Variants in MAGI2 observed in about 807,000 individuals in gnomAD.
The protein encoded by MAGI2 is membrane-associated guanylate kinase, WW and PDZ domain-containing protein 2.
Under a neutral mutation model 133.3 loss-of-function variants are expected in MAGI2, and 35 were observed. The ratio of observed to expected loss-of-function variants is 0.26; its 90% confidence interval spans 0.20 to 0.35. MAGI2 has a LOEUF of 0.35. Among genes scored for constraint, MAGI2 ranks in the 10% least tolerant of loss-of-function variants. The pLI, the probability that MAGI2 is intolerant of heterozygous loss-of-function variation, is 1.00. For missense variants in MAGI2, 1,636 were observed against 1,863.4 expected, an observed-to-expected ratio of 0.88 and a Z score of 2.25; for synonymous variants, 729 against 710.6, an observed-to-expected ratio of 1.03 and a Z score of -0.41.
intron 3 of MAGI2, among the ~76,000 whole-genome samples, chr7:78,558,670 T>C (rs1298071784): frequency 6.6e-6 from 1 of 152,112 alleles, no homozygotes; most frequent in Non-Finnish European, 1.5e-5. Context: ...TTTGGGTCCT[T>C]ATAATCACCT....
chr7:78,205,094 T>G (rs937731598), intron 10 of MAGI2, among the ~76,000 whole-genome samples: 2 of 152,212 alleles, frequency 1.3e-5, no homozygotes, highest in African/African-American at 2.4e-5. Flanking sequence ...CTGATTTCAT[T>G]ATTGAAATGT....
At chr7:78,690,975 T>C (rs767530592) in intron 2 of MAGI2, among the ~76,000 whole-genome samples, 1 of 152,218 alleles carries the variant, frequency 6.6e-6, no homozygotes. Context: ...CATTTTCACA[T>C]GGCTTGCAAG....
chr7:78,307,512 C>T (rs1378751355), intron 9 of MAGI2, among the ~76,000 whole-genome samples: 1 of 152,148 alleles, frequency 6.6e-6, no homozygotes, highest in Non-Finnish European at 1.5e-5. Context: ...TGCAGCTTCC[C>T]TGTGTACCTA....
At chr7:79,136,987 A>G (rs970985234) in intron 1 of MAGI2, among the ~76,000 whole-genome samples, 2 of 152,024 alleles carry the variant, frequency 1.3e-5, no homozygotes, top group African/African-American at 4.8e-5. Context: ...CATCAAATAC[A>G]GATTCTTTTT....
At chr7:78,809,939 T>C (rs1340124118) in intron 2 of MAGI2, among the ~76,000 whole-genome samples, 1 of 152,190 alleles carries the variant, frequency 6.6e-6, no homozygotes, top group Non-Finnish European at 1.5e-5. Flanking sequence ...CTAAATCCTT[T>C]TAATTACTTC....
chr7:78,025,393 T>G (rs2151045802), intron 21 of MAGI2, among the ~76,000 whole-genome samples: 1 of 152,360 alleles, frequency 6.6e-6, no homozygotes, highest in Non-Finnish European at 1.5e-5. Context: ...CTTGCTTATT[T>G]GATAAACATC....
At chr7:79,413,985 G>A (rs925680416) in intron 1 of MAGI2, 2 of 152,066 alleles carry the variant, frequency 1.3e-5, no homozygotes, top group African/African-American at 4.8e-5. Context: ...GGAAACCCAG[G>A]GAGAGAAATC....
intron 10 of MAGI2, among the ~76,000 whole-genome samples, chr7:78,203,668 C>T (rs533968207): frequency 2.6e-5 from 4 of 152,124 alleles, no homozygotes; most frequent in African/African-American, 9.7e-5. Context: ...AAAGAAGTTG[C>T]GTGCTGCAGA....
chr7:78,503,671 C>T (rs73135410), intron 4 of MAGI2, among the ~76,000 whole-genome samples: 21,371 of 129,808 alleles, frequency 0.16, 2,087 homozygotes, highest in South Asian at 0.33. Context: ...CATTCTCTCA[C>T]CCTCCCCTGT....
At chr7:78,648,782 C>A (rs1319347320) in intron 2 of MAGI2, among the ~76,000 whole-genome samples, 2 of 151,950 alleles carry the variant, frequency 1.3e-5, no homozygotes, top group African/African-American at 4.8e-5. Context: ...CCAATTAATT[C>A]CTATCTATTC....
intron 6 of MAGI2, among the ~76,000 whole-genome samples, chr7:78,406,238 G>C (rs188597727): frequency 2.0e-5 from 3 of 151,904 alleles, no homozygotes; most frequent in Non-Finnish European, 2.9e-5. Flanking sequence ...CCTGTCCTCC[G>C]TCTTTTCCAT....
chr7:79,188,965 A>C (rs564659092), intron 1 of MAGI2, among the ~76,000 whole-genome samples: 229 of 152,006 alleles, frequency 1.5e-3, no homozygotes, highest in Admixed American at 2.6e-3. Flanking sequence ...TTATTAGTAT[A>C]AATGTCCACA....
At chr7:78,869,792 C>G (rs1794876244) in intron 2 of MAGI2, among the ~76,000 whole-genome samples, 1 of 152,186 alleles carries the variant, frequency 6.6e-6, no homozygotes, top group Admixed American at 6.5e-5. Context: ...CCCTCAACAC[C>G]TGAGAATTAC....
intron 2 of MAGI2, among the ~76,000 whole-genome samples, chr7:78,775,432 T>C (rs1213558632): frequency 1.3e-5 from 2 of 150,070 alleles, no homozygotes; most frequent in Non-Finnish European, 2.9e-5. Context: ...CATAGAGAGT[T>C]CTATACATAC....
At chr7:79,196,945 T>TA (rs756105357) in intron 1 of MAGI2, among the ~76,000 whole-genome samples, 2,650 of 151,640 alleles carry the variant, frequency 0.017, 42 homozygotes, top group Middle Eastern at 0.031. Context: ...TTTTTGATTT[T>TA]TTATATATAT....
At chr7:78,683,577 T>C (rs1366235197) in intron 2 of MAGI2, among the ~76,000 whole-genome samples, 1 of 152,212 alleles carries the variant, frequency 6.6e-6, no homozygotes, top group Non-Finnish European at 1.5e-5. Context: ...CCTGCTTTAA[T>C]GAATTTAGCA....
chr7:79,402,577 T>C (rs66627069), intron 1 of MAGI2, among the ~76,000 whole-genome samples: 22,949 of 152,170 alleles, frequency 0.15, 1,921 homozygotes, highest in East Asian at 0.29. Flanking sequence ...ACCAGAATCT[T>C]GTATCCTCTA....
intron 9 of MAGI2, among the ~76,000 whole-genome samples, chr7:78,341,198 A>T (rs1313766400): frequency 1.3e-5 from 2 of 152,132 alleles, no homozygotes; most frequent in Non-Finnish European, 2.9e-5. Flanking sequence ...TCATAAGTGA[A>T]CTCCCATTCA....
At chr7:79,266,175 C>A (rs1834441211) in intron 1 of MAGI2, among the ~76,000 whole-genome samples, 1 of 151,930 alleles carries the variant, frequency 6.6e-6, no homozygotes, top group South Asian at 2.1e-4. Context: ...GGATCCTGAC[C>A]CCATATGGTG....
Sources: allele counts gnomAD v4.1 joint callset (sites outside exome capture counted in the v4.1 genomes callset), GRCh38; gene constraint gnomAD v4.1.1; transcripts MANE v1.5; gene names NCBI Gene and HGNC (gene_info 2026-07-23, HGNC 2026-07-21).